The following VPS13B variants were observed in gnomAD, a reference collection of about 807,000 sequenced individuals.
VPS13B encodes the protein intermembrane lipid transfer protein VPS13B.
Under a neutral mutation model 426.4 loss-of-function variants are expected in VPS13B, and 285 were observed. That is an observed-to-expected ratio of 0.67 (90% CI 0.61 to 0.74). VPS13B has a LOEUF of 0.74. VPS13B is among the 30% of genes least tolerant of loss of function. The probability of loss-of-function intolerance (pLI) is 0.00; values close to 1 mark genes in which losing one functional copy is unlikely to be tolerated. For missense variants in VPS13B, 4,537 were observed against 4,782.6 expected (o/e 0.95, Z 1.51); for synonymous variants, 1,676 against 1,676.4 (o/e 1.00, Z 0.01).
chr8:99,289,233 G>A (rs1237812073), intron 19 of VPS13B, among the ~76,000 whole-genome samples: 1 of 152,062 alleles, frequency 6.6e-6, no homozygotes, highest in African/African-American at 2.4e-5. Flanking sequence ...CTTACAGGAA[G>A]AGTTAAGAAC....
intron 33 of VPS13B, among the ~76,000 whole-genome samples, chr8:99,592,112 C>T (rs1461943934): frequency 2.0e-5 from 3 of 151,966 alleles, no homozygotes; most frequent in Admixed American, 2.0e-4. Flanking sequence ...GAATCAGCTA[C>T]TGAAGCTTGT....
At chr8:99,279,056 A>G (rs1330882272) in intron 19 of VPS13B, among the ~76,000 whole-genome samples, 2 of 152,162 alleles carry the variant, frequency 1.3e-5, no homozygotes, top group Non-Finnish European at 2.9e-5. Context: ...CTTGGTGACT[A>G]TAACTGACAT....
intron 33 of VPS13B, among the ~76,000 whole-genome samples, chr8:99,596,086 C>G (rs7816837): frequency 6.6e-6 from 1 of 151,820 alleles, no homozygotes; most frequent in African/African-American, 2.4e-5. Flanking sequence ...ACCTACTGCT[C>G]CAGTGACATT....
intron 17 of VPS13B, among the ~76,000 whole-genome samples, chr8:99,210,536 G>A (rs11986138): frequency 0.066 from 10,076 of 152,062 alleles, 448 homozygotes; most frequent in African/African-American, 0.12. Context: ...GAACATTCTC[G>A]AAACTATATT....
At chr8:99,225,274 T>C (rs1366580652) in intron 17 of VPS13B, among the ~76,000 whole-genome samples, 3 of 152,012 alleles carry the variant, frequency 2.0e-5, no homozygotes, top group African/African-American at 7.3e-5. Context: ...ACTCTTCTTT[T>C]CTTTTCTTTT....
intron 3 of VPS13B, among the ~76,000 whole-genome samples, chr8:99,040,933 C>G (rs960067483): frequency 2.0e-5 from 3 of 152,116 alleles, no homozygotes; most frequent in African/African-American, 7.2e-5. Context: ...CAATTTAATT[C>G]TACCAACATT....
At chr8:99,190,546 C>T (rs1813504892) in intron 16 of VPS13B, among the ~76,000 whole-genome samples, 1 of 151,756 alleles carries the variant, frequency 6.6e-6, no homozygotes, top group Non-Finnish European at 1.5e-5. Context: ...ATTCTTATTC[C>T]ACTCTGTCTA....
At chr8:99,520,002 A>G (rs529095099) in intron 29 of VPS13B, among the ~76,000 whole-genome samples, 106 of 152,320 alleles carry the variant, frequency 7.0e-4, no homozygotes, top group Middle Eastern at 6.8e-3. Context: ...TTTCATGCCA[A>G]ATAGTCCTTA....
intron 35 of VPS13B, among the ~76,000 whole-genome samples, chr8:99,677,575 A>C (rs1830991337): frequency 6.6e-6 from 1 of 152,170 alleles, no homozygotes; most frequent in African/African-American, 2.4e-5. Flanking sequence ...AAATGAGAAA[A>C]ATTACCTAGC....
In VPS13B at chr8:99,030,942, G is replaced by A. The variant is rs78559283; in HGVS notation, c.148-7481G>A. On this transcript the variant is annotated intron_variant, in intron 2 of 61. Coordinates refer to ENST00000357162, the MANE Select transcript of VPS13B (RefSeq NM_152564.5). ...ATAACCTACATCTATTTCAGTATTT[G>A]ATATTAGAAGTGGTTTGACTCTTTA... Among the ~76,000 whole-genome samples, 1,512 of 152,154 alleles carry A rather than the reference G, an allele frequency of 9.9e-3. 32 individuals are homozygous for A. The highest frequency in any genetic ancestry group is 0.035 in the African/African-American group (1,449 of 41,510).
intron 35 of VPS13B, among the ~76,000 whole-genome samples, chr8:99,685,750 T>G (rs1831364969): frequency 6.6e-6 from 1 of 152,252 alleles, no homozygotes; most frequent in South Asian, 2.1e-4. Context: ...ATTCCTTCTC[T>G]GCATTGTTTT....
Position 99,473,563 on chromosome 8 carries a change from G to A in VPS13B, c.3666+5929G>A, listed in dbSNP as rs115337919. On this transcript the variant is annotated intron_variant, in intron 24 of 61. Transcript: ENST00000357162. ...GGGAAAACAATGGTAAATATCATACGTAATGGTAAAATATTGAATTGTTTC... is the reference window on the plus strand; with the variant it reads ...GGGAAAACAATGGTAAATATCATACATAATGGTAAAATATTGAATTGTTTC... Among the ~76,000 whole-genome samples the A allele has an allele frequency of 9.9e-3, 1,509 of 152,132 alleles. 34 individuals carry two copies. The highest frequency in any genetic ancestry group is 0.035 in the African/African-American group (1,446 of 41,528).
At chr8:99,641,724 C>G in intron 33 of VPS13B, 87 bp from the exon 34 acceptor site, 1 of 1,329,786 alleles carries the variant, frequency 7.5e-7, no homozygotes, top group Non-Finnish European at 1.0e-6. Context: ...TTAAAATTTT[C>G]TCTTTGACAA....
intron 25 of VPS13B, among the ~76,000 whole-genome samples, chr8:99,499,777 T>C (rs1821129663): frequency 6.6e-6 from 1 of 152,170 alleles, no homozygotes; most frequent in South Asian, 2.1e-4. Flanking sequence ...AGAGTAACTA[T>C]ACTGTCTTCA....
chr8:99,101,085 A>C (rs933336765), intron 4 of VPS13B, among the ~76,000 whole-genome samples: 12 of 152,114 alleles, frequency 7.9e-5, no homozygotes, highest in Admixed American at 1.3e-4. Context: ...TTTTTGAGAA[A>C]TAGGGAAACC....
At chr8:99,234,717 C>T (rs933833005) in intron 17 of VPS13B, among the ~76,000 whole-genome samples, 2 of 152,144 alleles carry the variant, frequency 1.3e-5, no homozygotes, top group Non-Finnish European at 2.9e-5. Flanking sequence ...GCATTATATC[C>T]TCATTCTTTG....
intron 19 of VPS13B, among the ~76,000 whole-genome samples, chr8:99,296,242 G>A (rs992474035): frequency 7.6e-4 from 115 of 152,010 alleles, no homozygotes; most frequent in African/African-American, 2.6e-3. Flanking sequence ...TATTACCTGT[G>A]TACATATAAT....
intron 25 of VPS13B, among the ~76,000 whole-genome samples, chr8:99,495,124 T>C (rs1337574701): frequency 2.0e-5 from 3 of 152,166 alleles, no homozygotes; most frequent in Non-Finnish European, 4.4e-5. Context: ...TATTAAAGGA[T>C]AACCCCAATT....
intron 23 of VPS13B, among the ~76,000 whole-genome samples, chr8:99,467,099 G>C (rs1819149404): frequency 6.6e-6 from 1 of 152,076 alleles, no homozygotes; most frequent in Admixed American, 6.6e-5. Flanking sequence ...CTGGCCTCCA[G>C]GGTTTGCATA....
Sources: gnomAD v4.1 joint callset for allele counts (sites outside exome capture counted in the v4.1 genomes callset) on GRCh38, gnomAD v4.1.1 for gene constraint, MANE v1.5 for transcripts, NCBI Gene and HGNC (gene_info 2026-07-23, HGNC 2026-07-21) for gene names.